The following IQCK variants were observed in gnomAD, a reference collection of about 807,000 sequenced individuals.
The protein encoded by IQCK is IQ motif containing K.
A neutral mutation model predicts 28.1 loss-of-function variants in IQCK; 29 were observed. The observed-to-expected ratio is 1.03, with a 90% confidence interval of 0.77 to 1.41. IQCK has a LOEUF of 1.41. IQCK is among the 40% of genes most tolerant of loss of function. The pLI is 0.00. For missense variants in IQCK, 359 were observed against 314.7 expected (o/e 1.14, Z -1.07); for synonymous variants, 113 against 115.1 (o/e 0.98, Z 0.12).
intron 6 of IQCK, among the ~76,000 whole-genome samples, chr16:19,766,753 GAA>G (rs1378242663): frequency 6.6e-6 from 1 of 152,190 alleles, no homozygotes; most frequent in African/African-American, 2.4e-5. Context: ...TCCCCAAGGG[GAA>G]TGAGGCAAAA....
rs115211701 is a variant in IQCK, at chr16:19,857,132, A to G, written c.*584A>G. ...GTCTAAGTCCCAAAGTATTATATAG[A>G]AAGTTCCTGCTTTTATGGGTAAACT... On this transcript the variant is annotated 3_prime_UTR_variant, in exon 10 of 10. Coordinates refer to the IQCK transcript ENST00000320394. 668 of 202,760 alleles carry G rather than the reference A, an allele frequency of 3.3e-3. 4 individuals are homozygous for G. Among genetic ancestry groups the G allele is most frequent in the African/African-American group, 0.015 (630 of 41,934 alleles). 12.6% of individuals were successfully genotyped at this position (202,760 alleles called of 1,614,324 possible).
At chr16:19,759,748 C>T (rs995308721) in intron 4 of IQCK, among the ~76,000 whole-genome samples, 5 of 152,056 alleles carry the variant, frequency 3.3e-5, no homozygotes, top group Admixed American at 2.0e-4. Context: ...AAGGCCGAGA[C>T]GGGAGGATCA....
intron 6 of IQCK, among the ~76,000 whole-genome samples, chr16:19,775,956 A>G (rs1011549693): frequency 1.5e-5 from 2 of 130,864 alleles, no homozygotes; most frequent in Non-Finnish European, 3.1e-5. Flanking sequence ...ATCTAGGCTC[A>G]CTGCAATCTC....
At chr16:19,720,465 A>AT (rs1977458246) in intron 1 of IQCK, among the ~76,000 whole-genome samples, 1 of 152,272 alleles carries the variant, frequency 6.6e-6, no homozygotes, top group Non-Finnish European at 1.5e-5. Context: ...TAAGAGACAG[A>AT]TAATTGTTGT....
chr16:19,736,195 A>G, intron 4 of IQCK: 1 of 455,668 alleles, frequency 2.2e-6, no homozygotes, highest in Non-Finnish European at 4.4e-6. Context: ...GGAACACAGT[A>G]AGTGCTCAGT....
chr16:19,759,741 G>T (rs192815156), intron 4 of IQCK, among the ~76,000 whole-genome samples: 1 of 152,284 alleles, frequency 6.6e-6, no homozygotes, highest in East Asian at 1.9e-4. Flanking sequence ...ACTTTGGAAG[G>T]CCGAGACGGG....
chr16:19,819,095 T>C (rs905862532), intron 7 of IQCK, among the ~76,000 whole-genome samples: 13 of 152,124 alleles, frequency 8.5e-5, no homozygotes, highest in African/African-American at 3.1e-4. Context: ...AGAGATGAAG[T>C]GTTAAAGGGT....
chr16:19,752,467 T>G (rs2151700117), intron 4 of IQCK, among the ~76,000 whole-genome samples: 1 of 152,330 alleles, frequency 6.6e-6, no homozygotes, highest in East Asian at 1.9e-4. Context: ...GATTTCCTTA[T>G]TTGCTGGAGT....
At chr16:19,806,718 A>T (rs2055839679) in intron 7 of IQCK, among the ~76,000 whole-genome samples, 1 of 30,890 alleles carries the variant, frequency 3.2e-5, no homozygotes, top group South Asian at 1.1e-3. Flanking sequence ...CACCCCCCAA[A>T]AAAAGAAAAA....
intron 2 of IQCK, among the ~76,000 whole-genome samples, chr16:19,730,908 G>T (rs56344690): frequency 1.3e-5 from 2 of 151,906 alleles, no homozygotes; most frequent in Non-Finnish European, 2.9e-5. Context: ...ATTTTTTGTC[G>T]AGACGGGGTT....
At chr16:19,775,727 C>A (rs1277956789) in intron 6 of IQCK, among the ~76,000 whole-genome samples, 1 of 152,146 alleles carries the variant, frequency 6.6e-6, no homozygotes, top group Non-Finnish European at 1.5e-5. Context: ...CAGCTCTTAA[C>A]CTTCTCAGTC....
intron 6 of IQCK, among the ~76,000 whole-genome samples, chr16:19,766,329 A>C (rs1046927614): frequency 6.6e-6 from 1 of 152,186 alleles, no homozygotes; most frequent in Admixed American, 6.5e-5. Context: ...TTGTAATTCA[A>C]ATGTTAACAA....
intron 7 of IQCK, among the ~76,000 whole-genome samples, chr16:19,807,424 A>G (rs1320454996): frequency 6.6e-6 from 1 of 152,256 alleles, no homozygotes; most frequent in African/African-American, 2.4e-5. Context: ...CAGAGAGAAC[A>G]GATTGTAAGA....
chr16:19,818,024 AT>A (rs2056012559), intron 7 of IQCK, among the ~76,000 whole-genome samples: 2 of 152,022 alleles, frequency 1.3e-5, no homozygotes, highest in Non-Finnish European at 2.9e-5. Context: ...AAGTATGGGT[AT>A]TCTTGTGTGC....
At chr16:19,853,362 C>T (rs1392528682) in intron 9 of IQCK, among the ~76,000 whole-genome samples, 2 of 152,174 alleles carry the variant, frequency 1.3e-5, no homozygotes, top group Non-Finnish European at 2.9e-5. Flanking sequence ...TTCTGCTCTC[C>T]TCTGTCAAGA....
intron 6 of IQCK, among the ~76,000 whole-genome samples, chr16:19,772,511 T>G (rs1009393583): frequency 2.6e-5 from 4 of 152,160 alleles, no homozygotes; most frequent in Non-Finnish European, 5.9e-5. Flanking sequence ...GATTAAAAAG[T>G]TATTACTTTT....
chr16:19,722,828 C>T (rs1385764745), intron 1 of IQCK, among the ~76,000 whole-genome samples: 2 of 152,056 alleles, frequency 1.3e-5, no homozygotes, highest in Non-Finnish European at 2.9e-5. Flanking sequence ...GCAATTCCCC[C>T]ACCTCAGCCT....
chr16:19,786,718 AAG>A (rs1159905054), intron 6 of IQCK, among the ~76,000 whole-genome samples: 4 of 142,490 alleles, frequency 2.8e-5, no homozygotes, highest in Non-Finnish European at 4.4e-5. Context: ...GAAAGAGAGA[AAG>A]AGAGGAAGAA....
chr16:19,780,942 A>C (rs1341738924), intron 6 of IQCK, among the ~76,000 whole-genome samples: 1 of 152,168 alleles, frequency 6.6e-6, no homozygotes, highest in Non-Finnish European at 1.5e-5. Context: ...ATTTACTTTC[A>C]TGTTGTTAAA....
Sources: gnomAD v4.1 joint callset for allele counts (sites outside exome capture counted in the v4.1 genomes callset) on GRCh38, gnomAD v4.1.1 for gene constraint, MANE v1.5 for transcripts, NCBI Gene and HGNC (gene_info 2026-07-23, HGNC 2026-07-21) for gene names.